The following CSMD2 variants were observed in gnomAD, a reference collection of about 807,000 sequenced individuals.
The protein encoded by CSMD2 is CUB and sushi domain-containing protein 2.
Under a neutral mutation model 398.5 loss-of-function variants are expected in CSMD2, and 130 were observed. That is an observed-to-expected ratio of 0.33 (90% CI 0.28 to 0.38). The LOEUF (loss-of-function observed/expected upper bound fraction) is 0.38. Among genes scored for constraint, CSMD2 ranks in the 10% least tolerant of loss-of-function variants. The pLI, the probability that CSMD2 is intolerant of heterozygous loss-of-function variation, is 1.00. For missense variants in CSMD2, 3,829 were observed against 4,764.9 expected, an observed-to-expected ratio of 0.80 and a Z score of 5.78; for synonymous variants, 1,828 against 1,908.5, an observed-to-expected ratio of 0.96 and a Z score of 1.10.
chr1:33,927,137 A>G (rs1339810003), intron 4 of CSMD2, among the ~76,000 whole-genome samples: 1 of 152,168 alleles, frequency 6.6e-6, no homozygotes, highest in East Asian at 1.9e-4. Flanking sequence ...GGAGTGCCCC[A>G]AAGTTGCGGC....
intron 3 of CSMD2, among the ~76,000 whole-genome samples, chr1:34,017,970 T>C (rs1056262254): frequency 6.6e-6 from 1 of 152,176 alleles, no homozygotes; most frequent in African/African-American, 2.4e-5. Context: ...TTTACTCTGA[T>C]TTTGGTTTTT....
intron 25 of CSMD2, among the ~76,000 whole-genome samples, chr1:33,675,330 C>T (rs1455745088): frequency 2.6e-5 from 4 of 152,114 alleles, no homozygotes; most frequent in Non-Finnish European, 1.5e-5. Flanking sequence ...ACTACAAACA[C>T]CTCTATGCAA....
intron 5 of CSMD2, among the ~76,000 whole-genome samples, chr1:33,867,570 C>T (rs1390443280): frequency 6.6e-6 from 1 of 152,232 alleles, no homozygotes; most frequent in Non-Finnish European, 1.5e-5. Context: ...ATAGAGAATA[C>T]ATTACTCAAT....
In CSMD2 at chr1:34,053,823, G is replaced by C. The variant is rs192923100; in HGVS notation, c.405-21117C>G. The stretch of plus-strand genomic sequence containing the variant: ...CAACAAGGCACTTATAAATGCACAA[G>C]AAAGGGAAAGATGAGCTAGACTTTA... On this transcript the variant is annotated intron_variant, in intron 2 of 70. Transcript: ENST00000373381. 5.3e-5 allele frequency among the ~76,000 whole-genome samples: 8 copies of C among 152,280 alleles called. No individual in the cohort carries two copies. In the East Asian group the frequency reaches 1.5e-3, roughly 29 times the overall value.
At chr1:33,630,215 A>G (rs1027884967) in intron 32 of CSMD2, among the ~76,000 whole-genome samples, 2 of 152,056 alleles carry the variant, frequency 1.3e-5, no homozygotes, top group Non-Finnish European at 2.9e-5. Flanking sequence ...AATCCTTACT[A>G]TAACTCTAAA....
At chr1:33,771,862 A>G (rs1651313305) in intron 13 of CSMD2, among the ~76,000 whole-genome samples, 1 of 152,232 alleles carries the variant, frequency 6.6e-6, no homozygotes, top group Non-Finnish European at 1.5e-5. Context: ...GATTTCCCAC[A>G]GAGACCATGT....
chr1:33,925,936 G>C (rs1644113165), intron 4 of CSMD2, among the ~76,000 whole-genome samples: 1 of 151,948 alleles, frequency 6.6e-6, no homozygotes, highest in Non-Finnish European at 1.5e-5. Context: ...GGGCCTGACT[G>C]CCCCCTCGCC....
rs562253169 is a variant in CSMD2 at position 33,697,593 on chromosome 1, G to A, written c.3925+1160C>T. ...CTGGTTCACACTTTCACCCTTGCACGTGCTCAGTCTAGAATGTCAACCTCC... is the reference window on the plus strand; with the variant it reads ...CTGGTTCACACTTTCACCCTTGCACATGCTCAGTCTAGAATGTCAACCTCC... On this transcript the variant is annotated intron_variant, in intron 24 of 70. Transcript: ENST00000373381. 2.1e-4 allele frequency among the ~76,000 whole-genome samples: 32 copies of A among 152,296 alleles called. No individual in the cohort carries two copies. In the South Asian group the frequency reaches 5.8e-3, roughly 28 times the overall value.
At chr1:34,052,467 G>T (rs1409815523) in intron 2 of CSMD2, among the ~76,000 whole-genome samples, 2 of 139,766 alleles carry the variant, frequency 1.4e-5, no homozygotes, top group African/African-American at 5.5e-5. Context: ...TGGGGGGGGG[G>T]TCGAGAAATC....
At chr1:33,557,386 G>A (rs2148651554) in intron 55 of CSMD2, among the ~76,000 whole-genome samples, 1 of 152,256 alleles carries the variant, frequency 6.6e-6, no homozygotes, top group Admixed American at 6.5e-5. Context: ...GAAGGGCAAG[G>A]AAAAGGTAAA....
chr1:33,677,672 G>A (rs895056980), intron 25 of CSMD2, among the ~76,000 whole-genome samples: 12 of 152,014 alleles, frequency 7.9e-5, no homozygotes, highest in South Asian at 6.3e-4. Flanking sequence ...TGTTTATGGC[G>A]GCACTATTCA....
intron 3 of CSMD2, among the ~76,000 whole-genome samples, chr1:33,967,677 G>A (rs944152756): frequency 4.6e-5 from 7 of 152,158 alleles, no homozygotes; most frequent in Admixed American, 2.0e-4. Context: ...AATGCCTCAC[G>A]GGGCCTTCCC....
In CSMD2 at chr1:33,583,705, T is replaced by C. The variant is rs1638882110; in HGVS notation, c.7177A>G (p.Ile2393Val). The change falls in exon 47 of 71, where the codon ATC becomes GTC. Residue 2393 changes from isoleucine to valine, a missense_variant. Physicochemically the swap from Ile to Val is conservative, Grantham distance 29 (BLOSUM62 3). Around this residue, in one of 5 missense-constraint regions of CSMD2, gnomAD observed 723 missense variants for 758.6 expected, o/e 0.95. Coordinates refer to ENST00000373381, the MANE Select transcript of CSMD2 (RefSeq NM_001281956.2). ...AGGAAGTACTCCACTGTGAGGGAGATGTTATAGTCGGGCTCCACTCTCACC... is the reference window on the plus strand; with the variant it reads ...AGGAAGTACTCCACTGTGAGGGAGACGTTATAGTCGGGCTCCACTCTCACC... ...WLVRVEPDYN[I>V]SLTVEYFLSE... is the part of the protein sequence containing the mutation. The C allele has an allele frequency of 1.9e-6, 3 of 1,614,156 alleles. No homozygotes were observed. The highest frequency in any genetic ancestry group is 1.7e-6 in the Non-Finnish European group (2 of 1,180,014).
At chr1:33,750,015 T>G (rs1163215590) in intron 13 of CSMD2, among the ~76,000 whole-genome samples, 1 of 152,122 alleles carries the variant, frequency 6.6e-6, no homozygotes, top group Non-Finnish European at 1.5e-5. Flanking sequence ...TCATGCAAAG[T>G]GCTAGAAAAT....
chr1:33,715,004 G>A (rs1646121665), intron 20 of CSMD2, among the ~76,000 whole-genome samples: 1 of 152,076 alleles, frequency 6.6e-6, no homozygotes, highest in South Asian at 2.1e-4. Flanking sequence ...GCACGGGGAG[G>A]CAGAGGCAGA....
intron 1 of CSMD2, among the ~76,000 whole-genome samples, chr1:34,114,225 C>A (rs72884233): frequency 6.6e-6 from 1 of 152,000 alleles, no homozygotes; most frequent in South Asian, 2.1e-4. Context: ...CAAGGAAAGC[C>A]CCCAGAACCT....
intron 3 of CSMD2, among the ~76,000 whole-genome samples, chr1:33,994,216 A>T (rs1243743920): frequency 1.3e-5 from 2 of 152,216 alleles, no homozygotes; most frequent in Non-Finnish European, 2.9e-5. Context: ...GAGGTAGAAT[A>T]AATAGGACAT....
In CSMD2 at chr1:33,633,319, G is replaced by C. The variant is rs1642580504; in HGVS notation, c.5200+103C>G. 3.7e-6 allele frequency: 3 copies of C among 819,980 alleles called. No individual in the cohort carries two copies. The highest frequency in any genetic ancestry group is 1.6e-5 in the South Asian group (1 of 64,242). 50.8% of individuals were successfully genotyped at this position (819,980 alleles called of 1,614,324 possible). ...ACACGACAGGCACGCAGAGCCGTAG[G>C]GTTCCACCTGCGGCCATGGGGTGCT... On this transcript the variant is annotated intron_variant, in intron 32 of 70. Coordinates refer to ENST00000373381, the MANE Select transcript of CSMD2 (RefSeq NM_001281956.2). The surrounding 1 kb of genome is among the most constrained non-coding windows in gnomAD (Gnocchi z 5.0).
At chr1:34,062,009 A>T (rs1307841502) in intron 2 of CSMD2, among the ~76,000 whole-genome samples, 1 of 152,180 alleles carries the variant, frequency 6.6e-6, no homozygotes, top group Non-Finnish European at 1.5e-5. Flanking sequence ...TGTGTATGGG[A>T]TCCCCAGATC....
Sources: gnomAD v4.1 joint callset for allele counts (sites outside exome capture counted in the v4.1 genomes callset) on GRCh38, gnomAD v4.1.1 for gene constraint, gnomAD v4.1.1 regional missense constraint, Gnocchi (gnomAD v3.1) non-coding constraint, MANE v1.5 for transcripts, NCBI Gene and HGNC (gene_info 2026-07-23, HGNC 2026-07-21) for gene names.